The following BDH1 variants were observed in gnomAD, a reference collection of about 807,000 sequenced individuals.
BDH1 encodes D-beta-hydroxybutyrate dehydrogenase, mitochondrial.
In BDH1, 30 loss-of-function variants were observed where a neutral mutation model predicts 33.1. The observed-to-expected ratio is 0.91, with a 90% confidence interval of 0.68 to 1.23. The LOEUF (loss-of-function observed/expected upper bound fraction) is 1.23, where lower values mean the gene tolerates loss of function less well. BDH1 is among the 50% of genes most tolerant of loss of function. The probability of loss-of-function intolerance (pLI) is 0.00; values close to 1 mark genes in which losing one functional copy is unlikely to be tolerated. For synonymous variants in BDH1, 190 were observed against 183.6 expected, an observed-to-expected ratio of 1.03 and a Z score of -0.28; for missense variants, 443 against 464.4, an observed-to-expected ratio of 0.95 and a Z score of 0.42.
At chr3:197,542,232 G>A (rs964797388) in intron 3 of BDH1, among the ~76,000 whole-genome samples, 1 of 152,212 alleles carries the variant, frequency 6.6e-6, no homozygotes, top group African/African-American at 2.4e-5. Flanking sequence ...GCTCCCCAAA[G>A]CCACAATGGC....
Position 197,536,792 on chromosome 3 carries a change from G to T in BDH1, c.84-3231C>A, listed in dbSNP as rs111629572. 6.6e-4 allele frequency among the ~76,000 whole-genome samples: 100 copies of T among 152,240 alleles called. 1 individual carries two copies. Among genetic ancestry groups the T allele is most frequent in the African/African-American group, 2.3e-3 (94 of 41,542 alleles). On this transcript the variant is annotated intron_variant, in intron 3 of 7. Transcript: ENST00000392379. Reference sequence around the variant, plus strand: ...CAGGAGGCGGAGGTCAAAGTGAGCCGAGATCGCACCATTGCACTGCAGCCT... The same window carrying T: ...CAGGAGGCGGAGGTCAAAGTGAGCCTAGATCGCACCATTGCACTGCAGCCT...
chr3:197,542,799 C>G (rs958579445), intron 3 of BDH1, among the ~76,000 whole-genome samples: 2 of 151,598 alleles, frequency 1.3e-5, no homozygotes, highest in East Asian at 3.9e-4. Context: ...TGGGATTACA[C>G]GTGTGAGCCA....
At chr3:197,535,476 G>A (rs1419320676) in intron 3 of BDH1, among the ~76,000 whole-genome samples, 1 of 152,146 alleles carries the variant, frequency 6.6e-6, no homozygotes, top group Non-Finnish European at 1.5e-5. Context: ...AACCAACAAC[G>A]TTGCTTAGAG....
At chr3:197,538,017 C>A (rs7641933) in intron 3 of BDH1, among the ~76,000 whole-genome samples, 1 of 152,214 alleles carries the variant, frequency 6.6e-6, no homozygotes, top group Non-Finnish European at 1.5e-5. Context: ...CTCATCACTG[C>A]ACCATTTCTT....
At position 197,521,936 on chromosome 3, in the gene BDH1, C is replaced by T. The variant is rs1385466048; in HGVS notation, c.409+704G>A. ...TCAGGATGACCCCTTCAGTGGCTCCCCAGTGCCATTGGGAGACCAGCCATG... is the reference window on the plus strand; with the variant it reads ...TCAGGATGACCCCTTCAGTGGCTCCTCAGTGCCATTGGGAGACCAGCCATG... On this transcript the variant is annotated intron_variant, in intron 6 of 7. Transcript: ENST00000392379. The surrounding 1 kb of genome is among the most constrained non-coding windows in gnomAD (Gnocchi z 4.9). Among the ~76,000 whole-genome samples the T allele has an allele frequency of 6.6e-6, 1 of 152,188 alleles. No individual in the cohort carries two copies. Among genetic ancestry groups the T allele is most frequent in the Non-Finnish European group, 1.5e-5 (1 of 68,022 alleles).
Position 197,512,213 on chromosome 3 carries a change from G to T in BDH1, c.714C>A (p.Pro238=), listed in dbSNP as rs754729827. ...PLGVKVSVVE[P]GNFIAATSLY... ...GGCTGGTGGCAGCGATGAAGTTGCC[G>T]GGCTCCACCACGCTGACCTTCACGC... Residue 238 remains proline (P), a synonymous_variant, in exon 8 of 8, where the codon CCC becomes CCA. Transcript: ENST00000392379. 3.1e-6 allele frequency: 5 copies of T among 1,613,900 alleles called. No individual in the cohort carries two copies. In the South Asian group the frequency reaches 5.5e-5, roughly 18 times the overall value.
At chr3:197,517,272 C>T (rs1426260885) in intron 6 of BDH1, among the ~76,000 whole-genome samples, 1 of 101,660 alleles carries the variant, frequency 9.8e-6, no homozygotes, top group African/African-American at 3.8e-5. Context: ...ATTTCCTGCT[C>T]TATGGTCTCC....
At chr3:197,571,664 A>T (rs1344993838) in intron 1 of BDH1, among the ~76,000 whole-genome samples, 1 of 152,222 alleles carries the variant, frequency 6.6e-6, no homozygotes, top group Non-Finnish European at 1.5e-5. Context: ...AGGCCTCTCC[A>T]GCCATGTGGA....
intron 2 of BDH1, among the ~76,000 whole-genome samples, chr3:197,550,881 C>A (rs71325621): frequency 0.091 from 13,911 of 152,198 alleles, 1,059 homozygotes; most frequent in African/African-American, 0.21. Context: ...CACTTGCCAC[C>A]AAATCAATAG....
intron 3 of BDH1, among the ~76,000 whole-genome samples, chr3:197,541,481 T>A (rs1269656935): frequency 6.7e-6 from 1 of 150,122 alleles, no homozygotes; most frequent in Non-Finnish European, 1.5e-5. Flanking sequence ...TGTCCAGGAA[T>A]TGCTTCGAAA....
chr3:197,555,271 C>CGCGGACGGGACTGGGAGAT (rs1211110772), intron 1 of BDH1: 1 of 154,416 alleles, frequency 6.5e-6, no homozygotes, highest in Non-Finnish European at 1.4e-5. Context: ...GGAGGAGGGA[C>CGCGGACGGGACTGGGAGAT]GCGGACGGGA....
At chr3:197,553,843 CA>C (rs1281326806) in intron 2 of BDH1, among the ~76,000 whole-genome samples, 1 of 152,198 alleles carries the variant, frequency 6.6e-6, no homozygotes, top group African/African-American at 2.4e-5. Context: ...CATTTACCAA[CA>C]GATTGAGTGT....
chr3:197,533,724 T>C lies in BDH1; in HGVS notation c.84-163A>G. ...TCTTTCCACCAGGGTTGCTGGCTGA[T>C]AGAAAGTGAGCCAGTATTTGCTATG... On this transcript the variant is annotated intron_variant, in intron 3 of 7. Transcript: ENST00000392379. 3.1e-6 allele frequency: 2 copies of C among 645,936 alleles called. 1 individual carries two copies. The highest frequency in any genetic ancestry group is 4.0e-5 in the South Asian group (2 of 49,916). The allele number at this position is 645,936 out of a possible 1,614,324, so 40.0% of individuals were successfully genotyped here.
chr3:197,545,851 T>C (rs1716030971), intron 3 of BDH1, among the ~76,000 whole-genome samples: 8 of 152,210 alleles, frequency 5.3e-5, no homozygotes, highest in Admixed American at 5.2e-4. Flanking sequence ...TAAGAAGTGG[T>C]TATGGCCAGG....
chr3:197,543,139 G>A, intron 3 of BDH1: 1 of 985,408 alleles, frequency 1.0e-6, no homozygotes, highest in Non-Finnish European at 1.2e-6. Flanking sequence ...GCTTTCTGCT[G>A]AGAGGAGCCA....
chr3:197,545,076 A>G (rs527773231), intron 3 of BDH1, among the ~76,000 whole-genome samples: 11 of 152,300 alleles, frequency 7.2e-5, no homozygotes, highest in African/African-American at 2.4e-4. Flanking sequence ...GCATAGAAAT[A>G]TCAGTGTTCT....
chr3:197,517,148 G>C (rs4476524), intron 6 of BDH1, among the ~76,000 whole-genome samples: 75,086 of 151,500 alleles, frequency 0.5, 20,849 homozygotes, highest in African/African-American at 0.76. Flanking sequence ...TCCTGGGTCT[G>C]TTTGTCTCAC....
chr3:197,512,143 C>G lies in BDH1; in HGVS notation c.784G>C (p.Glu262Gln). Residue 262 changes from glutamate to glutamine, a missense_variant, in exon 8 of 8, where the codon GAG (glutamate) becomes CAG (glutamine). Coordinates refer to ENST00000392379, the MANE Select transcript of BDH1 (RefSeq NM_203314.3). ...TTGCGCACGACCTCAGGCAGCTCCT[C>G]CCACATCTTCTTGGCGATGGCCTGA... ...SIQAIAKKMWEELPEVVRKDY... is the reference protein window; with the variant it reads ...SIQAIAKKMWQELPEVVRKDY... The G allele has an allele frequency of 6.2e-7, 1 of 1,614,180 alleles. No homozygotes were observed. Among genetic ancestry groups the G allele is most frequent in the Non-Finnish European group, 8.5e-7 (1 of 1,180,032 alleles).
At chr3:197,540,006 C>T (rs1459742426) in intron 3 of BDH1, among the ~76,000 whole-genome samples, 2 of 152,136 alleles carry the variant, frequency 1.3e-5, no homozygotes, top group Non-Finnish European at 2.9e-5. Flanking sequence ...AGTTACATCC[C>T]TAGTGGAACT....
Sources: gnomAD v4.1 joint callset for allele counts (sites outside exome capture counted in the v4.1 genomes callset) on GRCh38, gnomAD v4.1.1 for gene constraint, Gnocchi (gnomAD v3.1) non-coding constraint, MANE v1.5 for transcripts, NCBI Gene and HGNC (gene_info 2026-07-23, HGNC 2026-07-21) for gene names.